P2RY14: variants seen among roughly 807,000 people sequenced by gnomAD.
P2RY14 encodes P2Y purinoceptor 14.
In P2RY14, 2 loss-of-function variants were observed where a neutral mutation model predicts 0.9. The observed-to-expected ratio is 2.16, with a 90% confidence interval of 0.88 to 6.79. P2RY14 has a LOEUF of 6.79. Ranked by LOEUF, P2RY14 falls within the 30% of genes most tolerant of loss-of-function variation. The pLI, the probability that P2RY14 is intolerant of heterozygous loss-of-function variation, is 0.05. For missense variants in P2RY14, 378 were observed against 400.1 expected, an observed-to-expected ratio of 0.94 and a Z score of 0.47; for synonymous variants, 158 against 147.2, an observed-to-expected ratio of 1.07 and a Z score of -0.53.
intron 1 of P2RY14, among the ~76,000 whole-genome samples, chr3:151,256,000 T>C (rs985745997): frequency 1.3e-5 from 2 of 152,364 alleles, no homozygotes; most frequent in East Asian, 1.9e-4. Flanking sequence ...TGGTAGGGTC[T>C]CTTTTTACTA....
chr3:151,247,529 G>A (rs1258708740), intron 1 of P2RY14, among the ~76,000 whole-genome samples: 6 of 149,336 alleles, frequency 4.0e-5, no homozygotes, highest in African/African-American at 1.2e-4. Context: ...ACCAAACACT[G>A]CATATTCTCA....
At chr3:151,221,742 G>A (rs1428995665) in intron 1 of P2RY14, among the ~76,000 whole-genome samples, 3 of 152,260 alleles carry the variant, frequency 2.0e-5, no homozygotes, top group African/African-American at 7.2e-5. Context: ...GAAGTTTGCT[G>A]CAGGGGCAGG....
chr3:151,228,524 A>C lies in P2RY14; in HGVS notation c.-132-8882T>G, dbSNP rs117718250. 1.4e-3 allele frequency among the ~76,000 whole-genome samples: 206 copies of C among 152,328 alleles called. 4 individuals are homozygous for C. In the East Asian group the frequency reaches 0.037, roughly 27 times the overall value. On this transcript the variant is annotated intron_variant, in intron 1 of 2. Coordinates refer to ENST00000309170, the MANE Select transcript of P2RY14 (RefSeq NM_014879.4). Reference sequence around the variant, plus strand: ...TGAAATTCAGGGCTGCAGGAGGCACAGTAGACCCTTTGCAGAGTGCTCTGA... The same window carrying C: ...TGAAATTCAGGGCTGCAGGAGGCACCGTAGACCCTTTGCAGAGTGCTCTGA...
chr3:151,254,009 T>TG (rs931676989), intron 1 of P2RY14, among the ~76,000 whole-genome samples: 2 of 151,466 alleles, frequency 1.3e-5, no homozygotes, highest in Admixed American at 1.3e-4. Flanking sequence ...GTTTTTTTTT[T>TG]TTGTTAATTT....
At chr3:151,272,985 TGACTCTCA>T (rs1741231789) in intron 1 of P2RY14, among the ~76,000 whole-genome samples, 1 of 152,168 alleles carries the variant, frequency 6.6e-6, no homozygotes, top group African/African-American at 2.4e-5. Flanking sequence ...AGGGCTGACA[TGACTCTCA>T]AAAGAAATGT....
At chr3:151,214,419 A>G (rs1727788815) in intron 2 of P2RY14, 79 bp from the exon 3 acceptor site, 5 of 981,186 alleles carry the variant, frequency 5.1e-6, no homozygotes, top group South Asian at 3.2e-5. Flanking sequence ...GGCAAAGGGC[A>G]ATGAATATAG....
At chr3:151,219,706 A>G (rs959189813) in intron 1 of P2RY14, 64 bp from the exon 2 acceptor site, 9 of 152,302 alleles carry the variant, frequency 5.9e-5, no homozygotes, top group African/African-American at 2.2e-4. Context: ...TTGGGAAAAT[A>G]TGTCTGTACT....
chr3:151,252,120 C>A (rs528501391), intron 1 of P2RY14, among the ~76,000 whole-genome samples: 1 of 152,272 alleles, frequency 6.6e-6, no homozygotes, highest in African/African-American at 2.4e-5. Flanking sequence ...CATCCCCTCC[C>A]TCCCTATGCA....
chr3:151,223,180 A>AAAAAG (rs1729748624), intron 1 of P2RY14, among the ~76,000 whole-genome samples: 1 of 151,132 alleles, frequency 6.6e-6, no homozygotes, highest in Non-Finnish European at 1.5e-5. Flanking sequence ...AAGTCCAAAA[A>AAAAAG]AAAAAAAAAA....
intron 1 of P2RY14, among the ~76,000 whole-genome samples, chr3:151,253,997 T>C (rs1737323043): frequency 9.2e-6 from 1 of 108,856 alleles, no homozygotes; most frequent in Non-Finnish European, 2.0e-5. Flanking sequence ...TGATTTTTTC[T>C]TGTTTTTTTT....
chr3:151,223,113 CAT>C (rs1263682681), intron 1 of P2RY14, among the ~76,000 whole-genome samples: 1 of 146,338 alleles, frequency 6.8e-6, no homozygotes, highest in Admixed American at 7.0e-5. Flanking sequence ...CAGTATGGAA[CAT>C]GTGCTGGTTG....
At chr3:151,218,448 T>G (rs142761522) in intron 2 of P2RY14, among the ~76,000 whole-genome samples, 24 of 152,246 alleles carry the variant, frequency 1.6e-4, no homozygotes, top group African/African-American at 5.3e-4. Context: ...TCTGGTATTA[T>G]CACTGAATTT....
At chr3:151,235,070 C>A (rs1732462726) in intron 1 of P2RY14, among the ~76,000 whole-genome samples, 1 of 152,282 alleles carries the variant, frequency 6.6e-6, no homozygotes, top group Admixed American at 6.5e-5. Context: ...ACACTTAGTG[C>A]CTTTGGCAGG....
At chr3:151,216,602 C>G (rs1332476154) in intron 2 of P2RY14, among the ~76,000 whole-genome samples, 1 of 152,150 alleles carries the variant, frequency 6.6e-6, no homozygotes, top group Non-Finnish European at 1.5e-5. Flanking sequence ...TATGGACTTC[C>G]TATAGAAGGA....
Position 151,261,275 on chromosome 3 carries a change from T to C in P2RY14, c.-133+17012A>G, listed in dbSNP as rs549272077. 4 of 152,136 alleles carry C rather than the reference T, an allele frequency of 2.6e-5. No individual in the cohort carries two copies. In the South Asian group the frequency reaches 8.3e-4, roughly 32 times the overall value. 9.4% of individuals were successfully genotyped at this position (152,136 alleles called of 1,614,324 possible). ...AAACCCCAAAAGGCAGAGGTGGAGATACATTCACAGCCACAGTTTTATCCT... is the reference window on the plus strand; with the variant it reads ...AAACCCCAAAAGGCAGAGGTGGAGACACATTCACAGCCACAGTTTTATCCT... On this transcript the variant is annotated intron_variant, in intron 1 of 2. Coordinates refer to ENST00000309170, the MANE Select transcript of P2RY14 (RefSeq NM_014879.4).
At chr3:151,229,764 G>A (rs1228193174) in intron 1 of P2RY14, among the ~76,000 whole-genome samples, 3 of 151,500 alleles carry the variant, frequency 2.0e-5, no homozygotes, top group East Asian at 2.0e-4. Context: ...TGCGCCAGGC[G>A]AACTGAGCAA....
rs368668952 is a variant in P2RY14 at position 151,223,288 on chromosome 3, C to T, written c.-132-3646G>A. ...CCTATTGAAAGCAGTGTAGAGATTTCTCAAAGAACTAAACATAAAATTACC... is the reference window on the plus strand; with the variant it reads ...CCTATTGAAAGCAGTGTAGAGATTTTTCAAAGAACTAAACATAAAATTACC... On this transcript the variant is annotated intron_variant, in intron 1 of 2. Transcript: ENST00000309170. Among the ~76,000 whole-genome samples the T allele has an allele frequency of 5.9e-5, 9 of 151,552 alleles. No individual in the cohort carries two copies. In the South Asian group the frequency reaches 1.0e-3, roughly 18 times the overall value.
chr3:151,230,993 C>T (rs1230983082), intron 1 of P2RY14, among the ~76,000 whole-genome samples: 1 of 151,990 alleles, frequency 6.6e-6, no homozygotes, highest in East Asian at 1.9e-4. Context: ...GTGCTCAGAC[C>T]GATTAGGAAA....
At chr3:151,240,530 A>G (rs1733864455) in intron 1 of P2RY14, among the ~76,000 whole-genome samples, 1 of 152,224 alleles carries the variant, frequency 6.6e-6, no homozygotes, top group Admixed American at 6.5e-5. Context: ...GGGACAGAAG[A>G]GGGTCACAGA....
Sources: allele counts gnomAD v4.1 joint callset (sites outside exome capture counted in the v4.1 genomes callset), GRCh38; gene constraint gnomAD v4.1.1; transcripts MANE v1.5; gene names NCBI Gene and HGNC (gene_info 2026-07-23, HGNC 2026-07-21).